Variants in L3MBTL3 observed in about 807,000 individuals in gnomAD.
The protein encoded by L3MBTL3 is lethal(3)malignant brain tumor-like protein 3.
L3MBTL3 carries 27 observed loss-of-function variants against 102.3 expected under a neutral mutation model. The observed-to-expected ratio is 0.26, with a 90% CI of 0.19 to 0.36. The LOEUF is 0.36. Ranked by LOEUF, L3MBTL3 falls within the 10% of genes least tolerant of loss-of-function variation. The pLI, the probability that L3MBTL3 is intolerant of heterozygous loss-of-function variation, is 1.00. For synonymous variants in L3MBTL3, 340 were observed against 320.9 expected (o/e 1.06, Z -0.64); for missense variants, 798 against 955.3 (o/e 0.84, Z 2.17).
At chr6:130,084,678 C>T (rs1562296932) in intron 15 of L3MBTL3, among the ~76,000 whole-genome samples, 2 of 152,212 alleles carry the variant, frequency 1.3e-5, no homozygotes, top group Non-Finnish European at 1.5e-5. Flanking sequence ...AGCTGCATTA[C>T]ACTTCACTTT....
Position 130,120,040 on chromosome 6 carries a change from C to T in L3MBTL3, c.1887-839C>T, listed in dbSNP as rs141592070. 3.9e-5 allele frequency among the ~76,000 whole-genome samples: 6 copies of T among 152,182 alleles called. No individual in the cohort carries two copies. The East Asian group carries it at 5.8e-4, about 15-fold the overall frequency. On this transcript the variant is annotated intron_variant, in intron 19 of 22. Coordinates refer to ENST00000361794, the MANE Select transcript of L3MBTL3 (RefSeq NM_032438.4). The stretch of plus-strand genomic sequence containing the variant: ...TTAAGAAACTCACGTATATTTGTAA[C>T]GGTAACAGCATGTATGAAACAGTAG...
intron 2 of L3MBTL3, among the ~76,000 whole-genome samples, chr6:130,039,036 G>A (rs1780242032): frequency 1.3e-5 from 2 of 151,956 alleles, no homozygotes; most frequent in South Asian, 4.1e-4. Flanking sequence ...AAAAGTGAAT[G>A]TATATTATAT....
At chr6:130,071,736 A>G (rs1782651484) in intron 13 of L3MBTL3, among the ~76,000 whole-genome samples, 1 of 152,176 alleles carries the variant, frequency 6.6e-6, no homozygotes, top group African/African-American at 2.4e-5. Flanking sequence ...AGTAACAGAT[A>G]TCTTTATAAA....
At chr6:130,130,505 A>T (rs1315476598) in intron 20 of L3MBTL3, among the ~76,000 whole-genome samples, 1 of 152,244 alleles carries the variant, frequency 6.6e-6, no homozygotes, top group Non-Finnish European at 1.5e-5. Flanking sequence ...TGTATTTCAA[A>T]TAATAGCTAA....
intron 8 of L3MBTL3, among the ~76,000 whole-genome samples, chr6:130,056,570 T>C (rs1006699079): frequency 6.6e-6 from 1 of 152,212 alleles, no homozygotes; most frequent in Admixed American, 6.5e-5. Flanking sequence ...AGCTTAACTT[T>C]TGTGTCTTTT....
intron 22 of L3MBTL3, among the ~76,000 whole-genome samples, chr6:130,135,835 G>A (rs1389467296): frequency 1.3e-5 from 2 of 152,162 alleles, no homozygotes; most frequent in East Asian, 3.8e-4. Flanking sequence ...AGGATGATTC[G>A]AAAATAATGA....
intron 18 of L3MBTL3, among the ~76,000 whole-genome samples, chr6:130,102,287 G>A (rs914126037): frequency 2.0e-5 from 3 of 152,074 alleles, no homozygotes; most frequent in Non-Finnish European, 2.9e-5. Flanking sequence ...TCCAAGTTAC[G>A]TCATACCTTT....
At chr6:130,108,591 T>C (rs1043957419) in intron 19 of L3MBTL3, among the ~76,000 whole-genome samples, 3 of 152,182 alleles carry the variant, frequency 2.0e-5, no homozygotes, top group African/African-American at 7.2e-5. Flanking sequence ...TTTCATTATA[T>C]GTCTTTTATT....
chr6:130,035,206 G>T (rs1223301615), intron 2 of L3MBTL3, among the ~76,000 whole-genome samples: 1 of 152,234 alleles, frequency 6.6e-6, no homozygotes, highest in Non-Finnish European at 1.5e-5. Context: ...ACAGAAAGAA[G>T]GCTCACCACC....
intron 4 of L3MBTL3, 177 bp downstream of exon 4, chr6:130,049,570 C>A: frequency 2.9e-6 from 2 of 698,542 alleles, no homozygotes; most frequent in Admixed American, 3.2e-5. Context: ...TTTAAAATAA[C>A]TATAAACTGT....
intron 20 of L3MBTL3, among the ~76,000 whole-genome samples, chr6:130,129,429 G>T (rs1786854211): frequency 6.6e-6 from 1 of 152,058 alleles, no homozygotes; most frequent in Non-Finnish European, 1.5e-5. Flanking sequence ...TTCCACTGTT[G>T]AGGATGACAG....
intron 19 of L3MBTL3, among the ~76,000 whole-genome samples, chr6:130,117,544 T>G (rs1043532642): frequency 1.3e-5 from 2 of 152,170 alleles, no homozygotes; most frequent in Non-Finnish European, 2.9e-5. Context: ...GTAGCTAAAA[T>G]AACATTTTGC....
intron 14 of L3MBTL3, among the ~76,000 whole-genome samples, chr6:130,081,925 T>G (rs1193916577): frequency 6.6e-6 from 1 of 152,186 alleles, no homozygotes; most frequent in Non-Finnish European, 1.5e-5. Flanking sequence ...TCCTTGACTT[T>G]TATGACCTTA....
At chr6:130,079,384 G>A (rs1274113283) in intron 14 of L3MBTL3, among the ~76,000 whole-genome samples, 2 of 152,076 alleles carry the variant, frequency 1.3e-5, no homozygotes, top group Admixed American at 6.6e-5. Context: ...TCTCTTTAAC[G>A]GGGAACAGTG....
Position 130,066,342 on chromosome 6 carries a change from A to C in L3MBTL3, c.865-11A>C, listed in dbSNP as rs1439664382. ...TAAAAAAAATAATTCAACCTATTTTACCTGTTTCAGGTTTGTGGATACCGG... is the reference window on the plus strand; with the variant it reads ...TAAAAAAAATAATTCAACCTATTTTCCCTGTTTCAGGTTTGTGGATACCGG... On this transcript the variant is annotated splice_polypyrimidine_tract_variant and intron_variant, in intron 10 of 22. Coordinates refer to ENST00000361794, the MANE Select transcript of L3MBTL3 (RefSeq NM_032438.4). The C allele has an allele frequency of 6.5e-7, 1 of 1,529,712 alleles. No homozygotes were observed. Among genetic ancestry groups the C allele is most frequent in the Non-Finnish European group, 8.8e-7 (1 of 1,133,690 alleles). 94.8% of individuals were successfully genotyped at this position (1,529,712 alleles called of 1,614,324 possible).
rs1011511105 is a variant in L3MBTL3 at position 130,030,560 on chromosome 6, G to A, written c.-16+8255G>A. Among the ~76,000 whole-genome samples the A allele has an allele frequency of 1.2e-4, 18 of 151,392 alleles. No homozygotes were observed. The South Asian group carries it at 3.1e-3, about 26-fold the overall frequency. On this transcript the variant is annotated intron_variant, in intron 2 of 22. Coordinates refer to ENST00000361794, the MANE Select transcript of L3MBTL3 (RefSeq NM_032438.4). ...CGGGTGCCTGTAGTCCCAGCTACTCGGGAGGTTGAGGCGGGAGAATGGCGT... is the reference window on the plus strand; with the variant it reads ...CGGGTGCCTGTAGTCCCAGCTACTCAGGAGGTTGAGGCGGGAGAATGGCGT...
At chr6:130,060,294 A>T (rs911707830) in intron 10 of L3MBTL3, among the ~76,000 whole-genome samples, 154 bp downstream of exon 10, 1 of 152,154 alleles carries the variant, frequency 6.6e-6, no homozygotes, top group Admixed American at 6.5e-5. Context: ...AATCCTGTGC[A>T]TGTTGTGGTT....
At chr6:130,064,522 C>T (rs1782116108) in intron 10 of L3MBTL3, among the ~76,000 whole-genome samples, 1 of 151,998 alleles carries the variant, frequency 6.6e-6, no homozygotes, top group Admixed American at 6.5e-5. Context: ...GACGAAAGTA[C>T]TCAGATGGAA....
chr6:130,122,018 T>G (rs1168494360), intron 20 of L3MBTL3, among the ~76,000 whole-genome samples: 1 of 152,206 alleles, frequency 6.6e-6, no homozygotes, highest in Non-Finnish European at 1.5e-5. Context: ...TGCACTCTAG[T>G]CTGAGCTACA....
Sources: allele counts gnomAD v4.1 joint callset (sites outside exome capture counted in the v4.1 genomes callset), GRCh38; gene constraint gnomAD v4.1.1; transcripts MANE v1.5; gene names NCBI Gene and HGNC (gene_info 2026-07-23, HGNC 2026-07-21).